Variants in CYTH1 observed in about 807,000 individuals in gnomAD.
CYTH1 encodes cytohesin 1, also known as cytohesin-1.
Under a neutral mutation model 61.8 loss-of-function variants are expected in CYTH1, and 18 were observed. The observed-to-expected ratio is 0.29, with a 90% confidence interval of 0.20 to 0.43. The LOEUF is 0.43. Ranked by LOEUF, CYTH1 falls within the 20% of genes least tolerant of loss-of-function variation. The pLI is 1.00. For synonymous variants in CYTH1, 174 were observed against 184.3 expected (o/e 0.94, Z 0.45); for missense variants, 336 against 510.5 (o/e 0.66, Z 3.29).
intron 1 of CYTH1, among the ~76,000 whole-genome samples, chr17:78,770,660 G>T (rs142797549): frequency 1.3e-5 from 2 of 152,022 alleles, no homozygotes; most frequent in African/African-American, 2.4e-5. Context: ...TTTGTGATCC[G>T]CCTGCCTCGG....
At chr17:78,771,004 G>A (rs576644268) in intron 1 of CYTH1, among the ~76,000 whole-genome samples, 9 of 152,050 alleles carry the variant, frequency 5.9e-5, no homozygotes, top group African/African-American at 1.4e-4. Context: ...AGCTCACATC[G>A]GTAATCCCAG....
intron 1 of CYTH1, among the ~76,000 whole-genome samples, chr17:78,765,898 G>A (rs2093446549): frequency 6.6e-6 from 1 of 151,908 alleles, no homozygotes; most frequent in Non-Finnish European, 1.5e-5. Flanking sequence ...AAAGCTAGAG[G>A]GTCTTGTCTT....
At chr17:78,756,989 T>C (rs1032840032) in intron 1 of CYTH1, among the ~76,000 whole-genome samples, 2 of 132,194 alleles carry the variant, frequency 1.5e-5, no homozygotes, top group Admixed American at 7.4e-5. Context: ...CTTTTTTTTC[T>C]TTTTTTTTTT....
At chr17:78,724,478 G>A (rs2093254536) in intron 1 of CYTH1, among the ~76,000 whole-genome samples, 1 of 152,174 alleles carries the variant, frequency 6.6e-6, no homozygotes, top group Admixed American at 6.5e-5. Context: ...CTTTGTGGTG[G>A]GGGCTTCCCT....
At chr17:78,712,579 T>A (rs2093145384) in intron 1 of CYTH1, among the ~76,000 whole-genome samples, 1 of 151,548 alleles carries the variant, frequency 6.6e-6, no homozygotes, top group Non-Finnish European at 1.5e-5. Context: ...TCGCTTGAAG[T>A]TGGGAGGTGA....
At chr17:78,704,596 C>T (rs2093046419) in intron 3 of CYTH1, among the ~76,000 whole-genome samples, 2 of 152,188 alleles carry the variant, frequency 1.3e-5, no homozygotes, top group Non-Finnish European at 2.9e-5. Context: ...CTGTGGCTCA[C>T]CGCAACCTTT....
At chr17:78,775,507 T>C (rs995262445) in intron 1 of CYTH1, among the ~76,000 whole-genome samples, 14 of 152,366 alleles carry the variant, frequency 9.2e-5, no homozygotes, top group African/African-American at 3.4e-4. Context: ...ACCTCGTTTT[T>C]TTAATTCTTG....
At chr17:78,735,724 T>A (rs1002717081) in intron 1 of CYTH1, among the ~76,000 whole-genome samples, 2 of 152,220 alleles carry the variant, frequency 1.3e-5, no homozygotes, top group Admixed American at 1.3e-4. Context: ...ATTACAACTT[T>A]CACAAAATCC....
At chr17:78,691,768 A>G (rs1052037568) in intron 11 of CYTH1, 1 of 152,280 alleles carries the variant, frequency 6.6e-6, no homozygotes, top group Admixed American at 6.5e-5. Context: ...CCTTGCTTAG[A>G]GGGAGCTCTG....
At chr17:78,759,330 C>T (rs994437120) in intron 1 of CYTH1, among the ~76,000 whole-genome samples, 5 of 152,202 alleles carry the variant, frequency 3.3e-5, no homozygotes, top group Non-Finnish European at 5.9e-5. Flanking sequence ...TAGCAGTCTA[C>T]ATCCCAGCGC....
chr17:78,708,305 G>C (rs2093090534), intron 2 of CYTH1, 44 bp from the exon 3 acceptor site: 1 of 1,558,636 alleles, frequency 6.4e-7, no homozygotes, highest in African/African-American at 1.4e-5. Context: ...GGCAGATGCA[G>C]ATCAAATTAA....
intron 1 of CYTH1, among the ~76,000 whole-genome samples, chr17:78,778,727 G>A (rs1029532523): frequency 3.9e-5 from 6 of 151,970 alleles, no homozygotes; most frequent in Admixed American, 1.3e-4. Context: ...GCCAAGGCGG[G>A]AGGATGGTTT....
At chr17:78,734,432 CTT>C (rs10557033) in intron 1 of CYTH1, among the ~76,000 whole-genome samples, 679 of 62,508 alleles carry the variant, frequency 0.011, 6 homozygotes, top group African/African-American at 0.026. Flanking sequence ...TAAAAAAAAG[CTT>C]TTTTTTTTTT....
In CYTH1 at chr17:78,776,658, C is replaced by CAA. The variant is rs1179473215; in HGVS notation, c.22+5542_22+5543dup. Among the ~76,000 whole-genome samples, 721 of 88,298 alleles carry CAA rather than the reference C, an allele frequency of 8.2e-3. 13 individuals are homozygous for CAA. The highest frequency in any genetic ancestry group is 0.033 in the African/African-American group (674 of 20,494). The allele number at this position is 88,298 out of a possible 152,430, so 57.9% of individuals were successfully genotyped here. A position where few individuals can be genotyped will look rare whatever the true frequency, so the allele number is the denominator to read the frequency against. On this transcript the variant is annotated intron_variant, in intron 1 of 13. Transcript: ENST00000446868. The stretch of plus-strand genomic sequence containing the variant: ...TGGACAACAGAGCGAGACTCTGTCT[C>CAA]AAAAAAAAAAAAAAAAAAAAGTACA...
chr17:78,746,083 A>G (rs1811394644), intron 1 of CYTH1, among the ~76,000 whole-genome samples: 1 of 152,174 alleles, frequency 6.6e-6, no homozygotes, highest in African/African-American at 2.4e-5. Context: ...AGGGATAGTG[A>G]TAATAGGCTT....
chr17:78,715,589 C>T (rs1021278405), intron 1 of CYTH1, among the ~76,000 whole-genome samples: 3 of 152,190 alleles, frequency 2.0e-5, no homozygotes, highest in Admixed American at 6.5e-5. Context: ...GCTGAGAAAA[C>T]TGTGTGATAC....
intron 1 of CYTH1, among the ~76,000 whole-genome samples, chr17:78,755,542 T>C (rs1014401296): frequency 8.6e-5 from 13 of 150,848 alleles, no homozygotes; most frequent in African/African-American, 2.2e-4. Flanking sequence ...CATTGTAACA[T>C]TGTATGATTT....
rs368347885 is a variant in CYTH1 at position 78,702,708 on chromosome 17, T to C, written c.171-104A>G. 34 of 1,262,870 alleles carry C rather than the reference T, an allele frequency of 2.7e-5. No homozygotes were observed. The African/African-American group carries it at 3.1e-4, about 12-fold the overall frequency. The allele number at this position is 1,262,870 out of a possible 1,614,324, so 78.2% of individuals were successfully genotyped here. ...TTTACACAGGTTTTTGAAAGATTTATCCAGGAAAGCAACAGGCATAATCTG... is the reference window on the plus strand; with the variant it reads ...TTTACACAGGTTTTTGAAAGATTTACCCAGGAAAGCAACAGGCATAATCTG... On this transcript the variant is annotated intron_variant, in intron 3 of 13. Transcript: ENST00000446868.
chr17:78,701,570 A>T (rs749846388), intron 6 of CYTH1, 101 bp downstream of exon 6: 1 of 1,086,716 alleles, frequency 9.2e-7, no homozygotes, highest in Non-Finnish European at 1.4e-6. Context: ...TTCAAATCAT[A>T]CCCAAAGATA....
Sources: allele counts gnomAD v4.1 joint callset (sites outside exome capture counted in the v4.1 genomes callset), GRCh38; gene constraint gnomAD v4.1.1; transcripts MANE v1.5; gene names NCBI Gene and HGNC (gene_info 2026-07-23, HGNC 2026-07-21).